The following RAPH1 variants were observed in gnomAD, a reference collection of about 807,000 sequenced individuals.
RAPH1 encodes the protein Ras association (RalGDS/AF-6) and pleckstrin homology domains 1, also known as ras-associated and pleckstrin homology domains-containing protein 1.
RAPH1 carries 18 observed loss-of-function variants against 88.1 expected under a neutral mutation model. The ratio of observed to expected loss-of-function variants is 0.20; its 90% CI spans 0.14 to 0.30. The LOEUF is 0.30. Among genes scored for constraint, RAPH1 ranks in the 10% least tolerant of loss-of-function variants. The pLI, the probability that RAPH1 is intolerant of heterozygous loss-of-function variation, is 1.00. For synonymous variants in RAPH1, 587 were observed against 559.0 expected (o/e 1.05, Z -0.71); for missense variants, 1,448 against 1,543.2 (o/e 0.94, Z 1.03).
chr2:203,483,483 T>C (rs1036990172), intron 4 of RAPH1, among the ~76,000 whole-genome samples: 3 of 152,194 alleles, frequency 2.0e-5, no homozygotes, highest in Admixed American at 6.5e-5. Context: ...TTATTTGAGA[T>C]AGAGAAGACA....
intron 1 of RAPH1, among the ~76,000 whole-genome samples, chr2:203,505,054 A>G (rs894039139): frequency 1.3e-5 from 2 of 151,922 alleles, no homozygotes; most frequent in African/African-American, 2.4e-5. Flanking sequence ...ACTTTCCTAC[A>G]TTTTCCTGTC....
intron 13 of RAPH1, chr2:203,441,675 G>T (rs371552181): frequency 1.5e-6 from 2 of 1,306,724 alleles, no homozygotes; most frequent in Non-Finnish European, 1.9e-6. Flanking sequence ...AAAAATGTCC[G>T]GCTGCAAAAG....
chr2:203,459,957 G>A lies in RAPH1; in HGVS notation c.1042C>T (p.Leu348Phe). The change falls in exon 7 of 14, where the codon CTT becomes TTT. Residue 348 changes from leucine (L) to phenylalanine (F), a missense_variant. Transcript: ENST00000319170. ...TTTTCTATACGCTCCATAAATATAA[G>A]CTTGTTTTGGCTATCTCTTGTCCAA... ...LNWTRDSQNK[L>F]IFMERIEKYA... 1 of 1,611,948 alleles carries A rather than the reference G, an allele frequency of 6.2e-7. No homozygotes were observed. Among genetic ancestry groups the A allele is most frequent in the Non-Finnish European group, 8.5e-7 (1 of 1,178,350 alleles).
At chr2:203,458,360 C>CA (rs962980753) in intron 7 of RAPH1, among the ~76,000 whole-genome samples, 61 of 148,836 alleles carry the variant, frequency 4.1e-4, no homozygotes, top group South Asian at 4.3e-4. Context: ...GACTCCATCT[C>CA]AAAAAAAAAC....
At position 203,439,589 on chromosome 2, in the gene RAPH1, C is replaced by A; in HGVS notation, c.3601G>T (p.Ala1201Ser). Reference protein sequence around the residue: ...AEPTATMDDMALPPPPPELLS... With the variant: ...AEPTATMDDMSLPPPPPELLS... Reference sequence around the variant, plus strand: ...AGTTCAGGGGGTGGTGGAGGCAATGCCATATCATCCATGGTGGCTGTTGGT... The same window carrying A: ...AGTTCAGGGGGTGGTGGAGGCAATGACATATCATCCATGGTGGCTGTTGGT... The change falls in exon 14 of 14, where the codon GCA becomes TCA. Residue 1201 changes from alanine to serine, a missense_variant. By Grantham distance (99) the Ala-to-Ser change is moderately conservative. Coordinates refer to ENST00000319170, the MANE Select transcript of RAPH1 (RefSeq NM_213589.3). The A allele has an allele frequency of 6.2e-7, 1 of 1,614,082 alleles. No individual in the cohort carries two copies. The highest frequency in any genetic ancestry group is 8.5e-7 in the Non-Finnish European group (1 of 1,180,000).
intron 1 of RAPH1, among the ~76,000 whole-genome samples, chr2:203,516,593 A>G (rs1689619703): frequency 6.6e-6 from 1 of 152,158 alleles, no homozygotes; most frequent in South Asian, 2.1e-4. Context: ...TACTGAAAAT[A>G]CAAAAATTAG....
At position 203,440,072 on chromosome 2, in the gene RAPH1, C is replaced by G; in HGVS notation, c.3118G>C (p.Val1040Leu). 3 of 1,613,632 alleles carry G rather than the reference C, an allele frequency of 1.9e-6. No individual in the cohort carries two copies. In the South Asian group the frequency reaches 3.3e-5, roughly 18 times the overall value. Residue 1040 changes from valine to leucine, a missense_variant, in exon 14 of 14, where the codon GTT becomes CTT. Physicochemically the swap from Val to Leu is conservative, Grantham distance 32. Coordinates refer to ENST00000319170, the MANE Select transcript of RAPH1 (RefSeq NM_213589.3). ...LNLSGVNLPG[V>L]LQQGCVSAKA... The stretch of plus-strand genomic sequence containing the variant: ...GCTGACACACACCCTTGTTGGAGAA[C>G]TCCAGGAAGGTTGACTCCAGAAAGA...
chr2:203,495,179 CT>C, intron 2 of RAPH1, 54 bp downstream of exon 2: 3 of 1,605,844 alleles, frequency 1.9e-6, no homozygotes, highest in Non-Finnish European at 2.6e-6. Context: ...GCACATTAAA[CT>C]TTTAACACAA....
chr2:203,523,310 G>A (rs1689974347), intron 1 of RAPH1, among the ~76,000 whole-genome samples: 2 of 151,064 alleles, frequency 1.3e-5, no homozygotes, highest in Admixed American at 6.6e-5. Context: ...GGAGAATGGC[G>A]TGAATACGGG....
At chr2:203,486,494 C>T (rs577180237) in intron 4 of RAPH1, among the ~76,000 whole-genome samples, 123 of 152,064 alleles carry the variant, frequency 8.1e-4, no homozygotes, top group African/African-American at 2.6e-3. Context: ...GTAATACATA[C>T]CACTAAAAAG....
chr2:203,490,582 C>T (rs1337329016), intron 3 of RAPH1, among the ~76,000 whole-genome samples: 1 of 152,224 alleles, frequency 6.6e-6, no homozygotes, highest in Non-Finnish European at 1.5e-5. Flanking sequence ...AGTAACTTCA[C>T]TGGACTTTAA....
intron 4 of RAPH1, chr2:203,476,999 A>G: frequency 9.9e-7 from 1 of 1,014,420 alleles, no homozygotes; most frequent in Non-Finnish European, 1.5e-6. Flanking sequence ...GTTATATGAA[A>G]AGGTTTCATC....
At chr2:203,474,708 G>C (rs1181755505) in intron 4 of RAPH1, among the ~76,000 whole-genome samples, 3 of 152,168 alleles carry the variant, frequency 2.0e-5, no homozygotes, top group Non-Finnish European at 4.4e-5. Flanking sequence ...GAATTCCTTT[G>C]AACAGAATTA....
rs763227480 is a variant in RAPH1, at chr2:203,448,717, T to C, written c.1512+21A>G. On this transcript the variant is annotated intron_variant, in intron 11 of 13. Coordinates refer to ENST00000319170, the MANE Select transcript of RAPH1 (RefSeq NM_213589.3). This position sits in a 1 kb window ranked among gnomAD's most constrained non-coding sequence, Gnocchi z 4.1. Reference sequence around the variant, plus strand: ...CGACAAACACCTCATTATTCCATCATCAAATCAAAAGGAGACATGCCTTTG... The same window carrying C: ...CGACAAACACCTCATTATTCCATCACCAAATCAAAAGGAGACATGCCTTTG... The C allele has an allele frequency of 1.3e-6, 2 of 1,506,564 alleles. No homozygotes were observed. Among genetic ancestry groups the C allele is most frequent in the Non-Finnish European group, 9.1e-7 (1 of 1,097,822 alleles). 93.3% of individuals were successfully genotyped at this position (1,506,564 alleles called of 1,614,324 possible). A position where few individuals can be genotyped will look rare whatever the true frequency, so the allele number is the denominator to read the frequency against.
At chr2:203,460,942 C>T (rs144767807) in intron 6 of RAPH1, among the ~76,000 whole-genome samples, 5,259 of 151,218 alleles carry the variant, frequency 0.035, 125 homozygotes, top group Non-Finnish European at 0.053. Context: ...GGTGAAACCC[C>T]ATCTCTACTA....
intron 8 of RAPH1, among the ~76,000 whole-genome samples, chr2:203,456,912 G>A (rs1298676135): frequency 6.6e-6 from 1 of 152,068 alleles, no homozygotes; most frequent in South Asian, 2.1e-4. Context: ...TTCTCTCTGA[G>A]TAAGCAGATA....
intron 1 of RAPH1, among the ~76,000 whole-genome samples, chr2:203,508,424 C>T (rs969334720): frequency 6.6e-6 from 1 of 151,988 alleles, no homozygotes; most frequent in East Asian, 1.9e-4. Flanking sequence ...TGAGCCACCA[C>T]GCCTGGCCTT....
At chr2:203,463,971 T>C (rs1286835040) in intron 4 of RAPH1, among the ~76,000 whole-genome samples, 1 of 152,192 alleles carries the variant, frequency 6.6e-6, no homozygotes, top group Admixed American at 6.5e-5. Context: ...CACTACTTTA[T>C]AAAGGAATCT....
intron 1 of RAPH1, among the ~76,000 whole-genome samples, chr2:203,522,895 C>CAAAA (rs59862473): frequency 6.5e-4 from 56 of 85,548 alleles, no homozygotes; most frequent in Middle Eastern, 7.1e-3. Context: ...GACTCTGTCT[C>CAAAA]AAAAAAAAAA....
Sources: gnomAD v4.1 joint callset for allele counts (sites outside exome capture counted in the v4.1 genomes callset) on GRCh38, gnomAD v4.1.1 for gene constraint, Gnocchi (gnomAD v3.1) non-coding constraint, MANE v1.5 for transcripts, NCBI Gene and HGNC (gene_info 2026-07-23, HGNC 2026-07-21) for gene names.